The following TMEM45A variants were observed in gnomAD, a reference collection of about 807,000 sequenced individuals.
TMEM45A encodes DNA polymerase-transactivated protein 4.
Under a neutral mutation model 32.0 loss-of-function variants are expected in TMEM45A, and 25 were observed. The observed-to-expected ratio is 0.78, with a 90% CI of 0.57 to 1.09. TMEM45A has a LOEUF of 1.09. TMEM45A is among the 50% of genes least tolerant of loss of function. The pLI, the probability that TMEM45A is intolerant of heterozygous loss-of-function variation, is 0.00. For synonymous variants in TMEM45A, 122 were observed against 114.8 expected (o/e 1.06, Z -0.40); for missense variants, 302 against 325.0 (o/e 0.93, Z 0.54).
rs535970463 is a variant in TMEM45A at position 100,538,376 on chromosome 3, A to G, written c.-3-16833A>G. 1.5e-4 allele frequency among the ~76,000 whole-genome samples: 23 copies of G among 152,222 alleles called. No individual in the cohort carries two copies. In the East Asian group the frequency reaches 4.4e-3, roughly 29 times the overall value. ...ATAAGTTAAACACAAAACAAAACAA[A>G]CAGAAAGCAGCAAACTAGGAATAGA... On this transcript the variant is annotated intron_variant, in intron 1 of 5. Transcript: ENST00000323523.
At chr3:100,518,572 T>C (rs1256055444) in intron 1 of TMEM45A, among the ~76,000 whole-genome samples, 2 of 152,222 alleles carry the variant, frequency 1.3e-5, no homozygotes, top group Non-Finnish European at 2.9e-5. Flanking sequence ...ATATGTGCAC[T>C]CCACACTCAT....
In TMEM45A at chr3:100,556,983, G is replaced by C. The variant is rs897474072; in HGVS notation, c.403+11G>C. ...CCTTATTTGTGGAGGGTAAGTGTTAGTGAGTATTTTCATGTACCTTTCTCT... is the reference window on the plus strand; with the variant it reads ...CCTTATTTGTGGAGGGTAAGTGTTACTGAGTATTTTCATGTACCTTTCTCT... On this transcript the variant is annotated intron_variant, in intron 3 of 5. Coordinates refer to ENST00000323523, the MANE Select transcript of TMEM45A (RefSeq NM_018004.3). 1.2e-6 allele frequency: 2 copies of C among 1,613,398 alleles called. No homozygotes were observed. Among genetic ancestry groups the C allele is most frequent in the African/African-American group, 1.3e-5 (1 of 75,016 alleles).
chr3:100,503,123 T>G (rs977110298), intron 1 of TMEM45A, among the ~76,000 whole-genome samples: 2 of 151,992 alleles, frequency 1.3e-5, no homozygotes, highest in South Asian at 2.1e-4. Flanking sequence ...CTTCTTTTAT[T>G]GAGACACAGT....
At chr3:100,552,008 T>C (rs1279184036) in intron 1 of TMEM45A, among the ~76,000 whole-genome samples, 2 of 152,150 alleles carry the variant, frequency 1.3e-5, no homozygotes, top group African/African-American at 2.4e-5. Flanking sequence ...TAGCTTGTCA[T>C]AGGGGTGGGT....
intron 5 of TMEM45A, chr3:100,570,845 A>T (rs960428388): frequency 6.6e-6 from 1 of 152,100 alleles, no homozygotes; most frequent in Non-Finnish European, 1.5e-5. Flanking sequence ...CCAACACATA[A>T]TATCCTAATC....
intron 3 of TMEM45A, among the ~76,000 whole-genome samples, chr3:100,557,892 G>T (rs1467272104): frequency 6.6e-6 from 1 of 152,174 alleles, no homozygotes; most frequent in Non-Finnish European, 1.5e-5. Context: ...TGTTATATCT[G>T]TCAAAATCCA....
At chr3:100,539,822 C>A (rs550551321) in intron 1 of TMEM45A, among the ~76,000 whole-genome samples, 1 of 152,312 alleles carries the variant, frequency 6.6e-6, no homozygotes, top group South Asian at 2.1e-4. Context: ...CCCTCTCAGA[C>A]ACACTCAGAA....
chr3:100,574,545 A>C (rs1167196280), intron 5 of TMEM45A: 1 of 152,344 alleles, frequency 6.6e-6, no homozygotes, highest in African/African-American at 2.4e-5. Flanking sequence ...GACCAGATGG[A>C]TTCACAGCCG....
chr3:100,496,229 C>T (rs1437204709), intron 1 of TMEM45A, among the ~76,000 whole-genome samples: 1 of 152,212 alleles, frequency 6.6e-6, no homozygotes, highest in Admixed American at 6.5e-5. Flanking sequence ...ATCCCTGGAA[C>T]AGTCCATTAT....
chr3:100,515,262 A>T (rs1330393434), intron 1 of TMEM45A, among the ~76,000 whole-genome samples: 1 of 152,028 alleles, frequency 6.6e-6, no homozygotes, highest in African/African-American at 2.4e-5. Context: ...GATTAAGAAA[A>T]TGTGGCACAT....
At chr3:100,510,923 A>G (rs1300408619) in intron 1 of TMEM45A, among the ~76,000 whole-genome samples, 1 of 152,096 alleles carries the variant, frequency 6.6e-6, no homozygotes, top group Admixed American at 6.6e-5. Context: ...AGTTTAGAGA[A>G]AAAAGAATAA....
intron 1 of TMEM45A, among the ~76,000 whole-genome samples, chr3:100,511,859 G>C (rs1038080744): frequency 2.6e-5 from 4 of 151,874 alleles, no homozygotes; most frequent in African/African-American, 7.3e-5. Flanking sequence ...AACCAACAAA[G>C]ATCAAAAAAG....
rs1426782087 is a variant in TMEM45A at position 100,556,718 on chromosome 3, T to C, written c.191-42T>C. 3.2e-6 allele frequency: 5 copies of C among 1,550,016 alleles called. No homozygotes were observed. In the East Asian group the frequency reaches 1.2e-4, roughly 36 times the overall value. Reference sequence around the variant, plus strand: ...TCCTCCTGCATCTTCTTGAATTCTATGTAAAGCAGAGTTGCTAAAACTGTG... The same window carrying C: ...TCCTCCTGCATCTTCTTGAATTCTACGTAAAGCAGAGTTGCTAAAACTGTG... On this transcript the variant is annotated intron_variant, in intron 2 of 5. Coordinates refer to ENST00000323523, the MANE Select transcript of TMEM45A (RefSeq NM_018004.3).
Position 100,509,012 on chromosome 3 carries a change from A to T in TMEM45A, c.-4+16084A>T, listed in dbSNP as rs181078547. On this transcript the variant is annotated intron_variant, in intron 1 of 5. Coordinates refer to ENST00000323523, the MANE Select transcript of TMEM45A (RefSeq NM_018004.3). ...AAGCTTCTGTATAGCAAGGGAATAA[A>T]CAGAATGAAGAGACAAACTTCGAAT... is the stretch of plus-strand genomic sequence containing the variant. Among the ~76,000 whole-genome samples the T allele has an allele frequency of 3.9e-5, 6 of 152,312 alleles. No individual in the cohort carries two copies. In the East Asian group the frequency reaches 1.2e-3, roughly 29 times the overall value.
chr3:100,514,418 G>A (rs897492657), intron 1 of TMEM45A, among the ~76,000 whole-genome samples: 1 of 152,070 alleles, frequency 6.6e-6, no homozygotes, highest in African/African-American at 2.4e-5. Context: ...AAACTGGCTA[G>A]CCATATGTAG....
intron 1 of TMEM45A, among the ~76,000 whole-genome samples, chr3:100,516,954 A>G (rs1044379050): frequency 6.6e-6 from 1 of 152,076 alleles, no homozygotes; most frequent in Non-Finnish European, 1.5e-5. Flanking sequence ...AAAAACACCC[A>G]TCCCTGCTCC....
At chr3:100,523,308 C>T (rs1421785274) in intron 1 of TMEM45A, among the ~76,000 whole-genome samples, 1 of 152,234 alleles carries the variant, frequency 6.6e-6, no homozygotes, top group Non-Finnish European at 1.5e-5. Flanking sequence ...TCTTTTAGCC[C>T]TTATGACTGT....
intron 1 of TMEM45A, among the ~76,000 whole-genome samples, chr3:100,502,962 TCTC>T (rs1708025961): frequency 6.6e-6 from 1 of 151,390 alleles, no homozygotes. Context: ...TTCTCCTTCT[TCTC>T]CTCCTTCTCC....
Position 100,558,593 on chromosome 3 carries a change from A to G in TMEM45A, c.588+4A>G. 1 of 1,612,892 alleles carries G rather than the reference A, an allele frequency of 6.2e-7. No homozygotes were observed. The highest frequency in any genetic ancestry group is 1.1e-5 in the South Asian group (1 of 91,036). ...TCAGGGGAGCTGGTTCTTTCAGGTG[A>G]GTTGGGGCCTCTAGTTAATGTACCT... On this transcript the variant is annotated splice_donor_region_variant and intron_variant, in intron 4 of 5. Coordinates refer to ENST00000323523, the MANE Select transcript of TMEM45A (RefSeq NM_018004.3).
Sources: allele counts gnomAD v4.1 joint callset (sites outside exome capture counted in the v4.1 genomes callset), GRCh38; gene constraint gnomAD v4.1.1; transcripts MANE v1.5; gene names NCBI Gene and HGNC (gene_info 2026-07-23, HGNC 2026-07-21).